Variants in MYO9B observed in about 807,000 individuals in gnomAD.
The protein encoded by MYO9B is myosin IXB, also known as unconventional myosin-IXb.
In MYO9B, 71 loss-of-function variants were observed where a neutral mutation model predicts 229.5. The observed-to-expected ratio is 0.31, with a 90% CI of 0.26 to 0.38. The LOEUF is 0.38. Among genes scored for constraint, MYO9B ranks in the 10% least tolerant of loss-of-function variants. MYO9B has a pLI of 1.00. For synonymous variants in MYO9B, 1,185 were observed against 1,235.8 expected (o/e 0.96, Z 0.86); for missense variants, 2,255 against 2,920.5 (o/e 0.77, Z 5.25).
At chr19:17,209,498 C>A in intron 35 of MYO9B, 88 bp from the exon 36 acceptor site, 1 of 1,422,920 alleles carries the variant, frequency 7.0e-7, no homozygotes, top group Non-Finnish European at 9.5e-7. Context: ...CAACCACTGC[C>A]CCCCAGGCAC....
chr19:17,141,448 C>G (rs911492253), intron 2 of MYO9B, among the ~76,000 whole-genome samples: 4 of 152,202 alleles, frequency 2.6e-5, no homozygotes, highest in Non-Finnish European at 5.9e-5. Flanking sequence ...TACCTCTTCC[C>G]CAAACCTAGC....
chr19:17,147,881 A>C lies in MYO9B; in HGVS notation c.935+2390A>C, dbSNP rs368607491. Among the ~76,000 whole-genome samples the C allele has an allele frequency of 2.4e-3, 357 of 151,134 alleles. 4 individuals are homozygous for C. The highest frequency in any genetic ancestry group is 0.021 in the South Asian group (99 of 4,766). On this transcript the variant is annotated intron_variant, in intron 3 of 39. Coordinates refer to ENST00000682292, the MANE Select transcript of MYO9B (RefSeq NM_004145.4). ...ATTTTTAGTAGAGATGGGGTTTCTC[A>C]ATGTTGGTCAGGCTGGTCTCGAACT...
intron 2 of MYO9B, among the ~76,000 whole-genome samples, chr19:17,140,566 G>C (rs546068982): frequency 6.6e-6 from 1 of 151,568 alleles, no homozygotes; most frequent in Non-Finnish European, 1.5e-5. Flanking sequence ...TCGGCTCACC[G>C]CAACCTCCGC....
chr19:17,137,809 A>G (rs1390765212), intron 2 of MYO9B, among the ~76,000 whole-genome samples: 1 of 151,622 alleles, frequency 6.6e-6, no homozygotes, highest in African/African-American at 2.4e-5. Flanking sequence ...AGGGGCGCAA[A>G]TGCAGCTGCA....
At chr19:17,125,131 C>A (rs2058003055) in intron 2 of MYO9B, among the ~76,000 whole-genome samples, 1 of 152,092 alleles carries the variant, frequency 6.6e-6, no homozygotes. Flanking sequence ...GAAACCCCAT[C>A]TCTACCAAAA....
chr19:17,181,414 G>A (rs1438917067), intron 15 of MYO9B, among the ~76,000 whole-genome samples: 1 of 152,212 alleles, frequency 6.6e-6, no homozygotes, highest in Admixed American at 6.5e-5. Context: ...TCTGCAGCAG[G>A]GCATGCGATT....
At chr19:17,182,461 T>G (rs568169144) in intron 15 of MYO9B, among the ~76,000 whole-genome samples, 1 of 152,164 alleles carries the variant, frequency 6.6e-6, no homozygotes, top group African/African-American at 2.4e-5. Flanking sequence ...TGGAGTGCAG[T>G]GGCTCAATCT....
At chr19:17,136,302 C>T (rs984411993) in intron 2 of MYO9B, among the ~76,000 whole-genome samples, 2 of 152,194 alleles carry the variant, frequency 1.3e-5, no homozygotes, top group East Asian at 1.9e-4. Flanking sequence ...TGCAGGGTCC[C>T]GTGAGCATCC....
Position 17,197,775 on chromosome 19 carries a change from T to C in MYO9B, c.4047-17T>C. 5.0e-6 allele frequency: 8 copies of C among 1,613,690 alleles called. No homozygotes were observed. The highest frequency in any genetic ancestry group is 5.9e-6 in the Non-Finnish European group (7 of 1,179,820). On this transcript the variant is annotated splice_polypyrimidine_tract_variant and intron_variant, in intron 22 of 39. Coordinates refer to ENST00000682292, the MANE Select transcript of MYO9B (RefSeq NM_004145.4). ...CTCACTCTAGTCAGTAAAAGCCATG[T>C]TTCTGTGATCTCGCAGGGAGAGGCG...
chr19:17,186,682 C>G (rs1006548396), intron 18 of MYO9B, among the ~76,000 whole-genome samples: 5 of 152,062 alleles, frequency 3.3e-5, no homozygotes, highest in African/African-American at 1.2e-4. Context: ...CCACATCCAC[C>G]CCCAGTCATG....
Position 17,203,569 on chromosome 19 carries a change from C to T in MYO9B, c.4990+311C>T, listed in dbSNP as rs189943332. Reference sequence around the variant, plus strand: ...CGAAGGTTGCAGTGAGTCGAGATCGCGCCACTGCACCCTAACCTGGGCAAC... The same window carrying T: ...CGAAGGTTGCAGTGAGTCGAGATCGTGCCACTGCACCCTAACCTGGGCAAC... On this transcript the variant is annotated intron_variant, in intron 30 of 39. Transcript: ENST00000682292. Among the ~76,000 whole-genome samples the T allele has an allele frequency of 5.3e-5, 8 of 150,106 alleles. No individual in the cohort carries two copies. In the East Asian group the frequency reaches 5.9e-4, roughly 11 times the overall value.
chr19:17,081,323 G>A (rs770542244), intron 1 of MYO9B, among the ~76,000 whole-genome samples: 1 of 152,122 alleles, frequency 6.6e-6, no homozygotes, highest in South Asian at 2.1e-4. Flanking sequence ...CACCGTGCCC[G>A]GCCTCAACTT....
At chr19:17,085,349 A>C (rs977221607) in intron 1 of MYO9B, among the ~76,000 whole-genome samples, 6 of 152,024 alleles carry the variant, frequency 3.9e-5, no homozygotes, top group Admixed American at 3.9e-4. Flanking sequence ...GCATTGGGAG[A>C]TCCTGGCAGG....
At chr19:17,205,082 C>T (rs1363829408) in intron 30 of MYO9B, among the ~76,000 whole-genome samples, 181 bp from the exon 31 acceptor site, 1 of 150,540 alleles carries the variant, frequency 6.6e-6, no homozygotes, top group Non-Finnish European at 1.5e-5. Context: ...ACCCGGGAGG[C>T]GGAGGTTGCA....
chr19:17,113,640 G>A (rs2057870906), intron 2 of MYO9B, among the ~76,000 whole-genome samples: 1 of 152,178 alleles, frequency 6.6e-6, no homozygotes, highest in Non-Finnish European at 1.5e-5. Context: ...CCTGAGGGGG[G>A]TGAGCTGGGC....
chr19:17,163,212 G>T (rs547403752), intron 10 of MYO9B, 90 bp downstream of exon 10: 1 of 1,372,022 alleles, frequency 7.3e-7, no homozygotes, highest in Non-Finnish European at 9.9e-7. Context: ...TAAATATTCA[G>T]TTCAGCGGCG....
At chr19:17,136,027 C>T (rs552989753) in intron 2 of MYO9B, among the ~76,000 whole-genome samples, 1 of 151,764 alleles carries the variant, frequency 6.6e-6, no homozygotes, top group East Asian at 1.9e-4. Context: ...CCCCCCACCC[C>T]ACCCCTGAGG....
intron 33 of MYO9B, 115 bp from the exon 34 acceptor site, chr19:17,206,564 T>A (rs2073164483): frequency 7.7e-7 from 1 of 1,305,712 alleles, no homozygotes; most frequent in African/African-American, 1.5e-5. Flanking sequence ...CCATCCATTC[T>A]TGCCTGGGCA....
intron 2 of MYO9B, among the ~76,000 whole-genome samples, chr19:17,126,688 G>A (rs984664994): frequency 4.1e-5 from 6 of 144,908 alleles, no homozygotes; most frequent in African/African-American, 1.5e-4. Flanking sequence ...TTTTTGAGAC[G>A]GAGTCTCGCC....
Sources: gnomAD v4.1 joint callset for allele counts (sites outside exome capture counted in the v4.1 genomes callset) on GRCh38, gnomAD v4.1.1 for gene constraint, MANE v1.5 for transcripts, NCBI Gene and HGNC (gene_info 2026-07-23, HGNC 2026-07-21) for gene names.